Variants in MAPT observed in about 807,000 individuals in gnomAD.
MAPT encodes the protein microtubule associated protein tau.
In MAPT, 34 loss-of-function variants were observed where a neutral mutation model predicts 67.9. The observed-to-expected ratio is 0.50, with a 90% confidence interval of 0.38 to 0.67. MAPT has a LOEUF of 0.67. MAPT is among the 30% of genes least tolerant of loss of function. The pLI, the probability that MAPT is intolerant of heterozygous loss-of-function variation, is 0.00. For missense variants in MAPT, 881 were observed against 1,115.2 expected (o/e 0.79, Z 2.99); for synonymous variants, 456 against 464.5 (o/e 0.98, Z 0.23).
In MAPT at chr17:45,987,094, A is replaced by G. The variant is rs766420350; in HGVS notation, c.1406A>G (p.Lys469Arg). 1 of 1,614,040 alleles carries G rather than the reference A, an allele frequency of 6.2e-7. No individual in the cohort carries two copies. The highest frequency in any genetic ancestry group is 8.5e-7 in the Non-Finnish European group (1 of 1,179,928). The change falls in exon 6 of 13, where the codon AAG becomes AGG. Residue 469 changes from lysine (K) to arginine (R), a missense_variant and splice_region_variant. Around this residue, in one of 6 missense-constraint regions of MAPT, gnomAD observed 687 missense variants for 766.1 expected, o/e 0.90. Coordinates refer to ENST00000262410, the MANE Select transcript of MAPT (RefSeq NM_001377265.1). ...DGTGSDDKKA[K>R]TSTRSSAKTL... ...ACTGGAAGCGATGACAAAAAAGCCA[A>G]GGTAAGCTGACGATGCCACGGAGCT...
At chr17:45,965,726 CAA>C (rs60683636) in intron 2 of MAPT, among the ~76,000 whole-genome samples, 21,874 of 147,924 alleles carry the variant, frequency 0.15, 2,115 homozygotes, top group Non-Finnish European at 0.22. Flanking sequence ...AACTCCTTCT[CAA>C]AAAAAAAAAA....
intron 1 of MAPT, among the ~76,000 whole-genome samples, chr17:45,960,059 A>G (rs752769325): frequency 2.0e-5 from 3 of 152,266 alleles, no homozygotes; most frequent in Non-Finnish European, 2.9e-5. Context: ...CTAGAAGGAA[A>G]TATCACAGAT....
intron 9 of MAPT, among the ~76,000 whole-genome samples, chr17:46,006,847 C>T (rs956877995): frequency 5.3e-5 from 8 of 151,676 alleles, no homozygotes; most frequent in Non-Finnish European, 7.4e-5. Context: ...GGCGTGAACC[C>T]GGGAGGCGGA....
chr17:45,902,201 A>G (rs1368066712), intron 1 of MAPT, among the ~76,000 whole-genome samples: 1 of 152,100 alleles, frequency 6.6e-6, no homozygotes, highest in African/African-American at 2.4e-5. Flanking sequence ...CCTCCGCCGT[A>G]GCCGGGACTA....
rs545462226 is a variant in MAPT, at chr17:45,983,067, C to T, written c.488C>T (p.Pro163Leu). The T allele has an allele frequency of 2.5e-5, 39 of 1,532,336 alleles. No homozygotes were observed. The highest frequency in any genetic ancestry group is 3.4e-5 in the Non-Finnish European group (39 of 1,134,858). 94.9% of individuals were successfully genotyped at this position (1,532,336 alleles called of 1,614,324 possible). Residue 163 changes from proline to leucine, a missense_variant, in exon 5 of 13, where the codon CCA (proline) becomes CTA (leucine). Physicochemically the swap from Pro to Leu is moderately conservative, Grantham distance 98. Around this residue, in one of 6 missense-constraint regions of MAPT, gnomAD observed 687 missense variants for 766.1 expected, o/e 0.90. Transcript: ENST00000262410. ...QHRPVCPAPP[P>L]TGGPQEPSLE... Reference sequence around the variant, plus strand: ...CGTCCCGTTTGCCCAGCGCCTCCTCCAACAGGAGGCCCTCAGGAGCCCTCC... The same window carrying T: ...CGTCCCGTTTGCCCAGCGCCTCCTCTAACAGGAGGCCCTCAGGAGCCCTCC...
In MAPT at chr17:46,026,417, C is replaced by A. The variant is rs1056799923; in HGVS notation, c.*2246C>A. 6.6e-6 allele frequency: 1 copy of A among 152,368 alleles called. No homozygotes were observed. The allele number at this position is 152,368 out of a possible 1,614,324, so 9.4% of individuals were successfully genotyped here. A position where few individuals can be genotyped will look rare whatever the true frequency, so the allele number is the denominator to read the frequency against. On this transcript the variant is annotated 3_prime_UTR_variant, in exon 13 of 13. Transcript: ENST00000262410. Reference sequence around the variant, plus strand: ...TAGGTCTTGTGGCTGGTCTGGCTTGCGGCGCGAGGATGGTTCTCTCTGGTC... The same window carrying A: ...TAGGTCTTGTGGCTGGTCTGGCTTGAGGCGCGAGGATGGTTCTCTCTGGTC...
chr17:45,935,051 A>G (rs1187256908), intron 1 of MAPT, among the ~76,000 whole-genome samples: 1 of 152,118 alleles, frequency 6.6e-6, no homozygotes, highest in Non-Finnish European at 1.5e-5. Flanking sequence ...GTGGCTACCC[A>G]GGGTAGCCCT....
At chr17:46,006,796 G>A (rs1023604296) in intron 9 of MAPT, among the ~76,000 whole-genome samples, 85 of 152,004 alleles carry the variant, frequency 5.6e-4, no homozygotes, top group Non-Finnish European at 8.0e-4. Context: ...GGTGGTGGGC[G>A]CCTGTAGTCC....
rs1320018575 is a variant in MAPT at position 45,961,783 on chromosome 17, T to G, written c.-17-538T>G. 2.0e-5 allele frequency among the ~76,000 whole-genome samples: 3 copies of G among 151,568 alleles called. No individual in the cohort carries two copies. The South Asian group carries it at 6.2e-4, about 32-fold the overall frequency. The stretch of plus-strand genomic sequence containing the variant: ...GTGGGTTTATTTGTTTTGTTTTTTT[T>G]TTTTTGTTTTGAGACAGAGTTTCAC... On this transcript the variant is annotated intron_variant, in intron 1 of 12. Transcript: ENST00000262410.
intron 1 of MAPT, among the ~76,000 whole-genome samples, chr17:45,948,688 G>T (rs2145073026): frequency 6.6e-6 from 1 of 152,276 alleles, no homozygotes; most frequent in Non-Finnish European, 1.5e-5. Context: ...TACTCAACCT[G>T]TCTGTTCCTC....
chr17:45,984,936 G>T (rs1201565719), intron 5 of MAPT, among the ~76,000 whole-genome samples: 1 of 152,216 alleles, frequency 6.6e-6, no homozygotes, highest in African/African-American at 2.4e-5. Context: ...ACAGTTGCAA[G>T]CATCTGTTAA....
intron 11 of MAPT, among the ~76,000 whole-genome samples, chr17:46,015,352 C>T (rs1320768604): frequency 3.5e-5 from 5 of 142,350 alleles, no homozygotes; most frequent in African/African-American, 1.0e-4. Flanking sequence ...AGTGAAACTC[C>T]GTCTCAAAAA....
chr17:45,913,187 A>T (rs1213112600), intron 1 of MAPT, among the ~76,000 whole-genome samples: 1 of 152,234 alleles, frequency 6.6e-6, no homozygotes, highest in Non-Finnish European at 1.5e-5. Flanking sequence ...CCTCACAATC[A>T]TGGCAGAAGG....
Position 45,971,926 on chromosome 17 carries a change from G to C in MAPT, c.201G>C (p.Lys67Asn). Reference protein sequence around the residue: ...EEPGSETSDAKSTPTAEAEEA... With the variant: ...EEPGSETSDANSTPTAEAEEA... ...CGGGCTCTGAAACCTCTGATGCTAAGAGCACTCCAACAGCGGAAGGTGGGC... is the reference window on the plus strand; with the variant it reads ...CGGGCTCTGAAACCTCTGATGCTAACAGCACTCCAACAGCGGAAGGTGGGC... The change falls in exon 3 of 13, where the codon AAG becomes AAC. Residue 67 changes from lysine (K) to asparagine (N), a missense_variant. Coordinates refer to ENST00000262410, the MANE Select transcript of MAPT (RefSeq NM_001377265.1). This position sits in a 1 kb window ranked among gnomAD's most constrained non-coding sequence, Gnocchi z 4.3. 1 of 1,614,096 alleles carries C rather than the reference G, an allele frequency of 6.2e-7. No individual in the cohort carries two copies. Among genetic ancestry groups the C allele is most frequent in the African/African-American group, 1.3e-5 (1 of 75,044 alleles).
intron 1 of MAPT, among the ~76,000 whole-genome samples, chr17:45,960,250 AAGC>A (rs2070236339): frequency 6.6e-6 from 1 of 152,250 alleles, no homozygotes; most frequent in South Asian, 2.1e-4. Flanking sequence ...ATTTTTCACG[AAGC>A]AGTGGCATTT....
intron 4 of MAPT, chr17:45,979,770 G>A (rs2072756550): frequency 6.6e-6 from 1 of 152,128 alleles, no homozygotes; most frequent in Non-Finnish European, 1.5e-5. Flanking sequence ...AATGGAAGTG[G>A]GTTTGAGTTT....
In MAPT at chr17:45,983,711, T is replaced by C. The variant is rs780767602; in HGVS notation, c.1132T>C (p.Phe378Leu). The C allele has an allele frequency of 1.9e-6, 3 of 1,614,076 alleles. No individual in the cohort carries two copies. Among genetic ancestry groups the C allele is most frequent in the Non-Finnish European group, 2.5e-6 (3 of 1,180,012 alleles). The change falls in exon 5 of 13, where the codon TTT becomes CTT. Residue 378 changes from phenylalanine to leucine, a missense_variant. By Grantham distance (22) the Phe-to-Leu change is conservative. Transcript: ENST00000262410. ...KGQDAPLEFTFHVEITPNVQK... is the reference protein window; with the variant it reads ...KGQDAPLEFTLHVEITPNVQK... The stretch of plus-strand genomic sequence containing the variant: ...GCAGGATGCCCCCCTGGAGTTCACG[T>C]TTCACGTGGAAATCACACCCAACGT...
chr17:46,000,479 A>G (rs1249768575), intron 9 of MAPT, among the ~76,000 whole-genome samples: 2 of 152,102 alleles, frequency 1.3e-5, no homozygotes, highest in Admixed American at 6.5e-5. Context: ...AGGCAGGAAG[A>G]GCCCGTAGGC....
intron 9 of MAPT, among the ~76,000 whole-genome samples, chr17:46,009,058 G>T (rs2075644520): frequency 6.6e-6 from 1 of 152,166 alleles, no homozygotes; most frequent in African/African-American, 2.4e-5. Context: ...AATTTGCCAG[G>T]TGTGGTGGCA....
Sources: gnomAD v4.1 joint callset for allele counts (sites outside exome capture counted in the v4.1 genomes callset) on GRCh38, gnomAD v4.1.1 for gene constraint, gnomAD v4.1.1 regional missense constraint, Gnocchi (gnomAD v3.1) non-coding constraint, MANE v1.5 for transcripts, NCBI Gene and HGNC (gene_info 2026-07-23, HGNC 2026-07-21) for gene names.